The following DCDC2 variants were observed in gnomAD, a reference collection of about 807,000 sequenced individuals.
DCDC2 encodes the protein doublecortin domain containing 2, also known as doublecortin domain-containing protein 2.
A neutral mutation model predicts 50.2 loss-of-function variants in DCDC2; 40 were observed. The observed-to-expected ratio is 0.80, with a 90% CI of 0.62 to 1.04. The LOEUF is 1.04. DCDC2 is among the 50% of genes least tolerant of loss of function. The pLI, the probability that DCDC2 is intolerant of heterozygous loss-of-function variation, is 0.00. For synonymous variants in DCDC2, 234 were observed against 210.6 expected (o/e 1.11, Z -0.96); for missense variants, 570 against 581.9 (o/e 0.98, Z 0.21).
chr6:24,249,419 T>C (rs1235224846), intron 7 of DCDC2, among the ~76,000 whole-genome samples: 4 of 152,206 alleles, frequency 2.6e-5, no homozygotes. Flanking sequence ...TTCAATACAC[T>C]TTCTCTTCTA....
intron 7 of DCDC2, among the ~76,000 whole-genome samples, chr6:24,209,232 C>T (rs1761802121): frequency 6.6e-6 from 1 of 152,170 alleles, no homozygotes; most frequent in African/African-American, 2.4e-5. Flanking sequence ...AAAGTATTAC[C>T]CTTTTTATCA....
intron 8 of DCDC2, among the ~76,000 whole-genome samples, chr6:24,189,236 T>C (rs532328436): frequency 1.3e-4 from 20 of 152,286 alleles, no homozygotes; most frequent in African/African-American, 4.8e-4. Context: ...TCTGGCTACA[T>C]CCTAGCAGGG....
chr6:24,302,213 T>C (rs1172889161), intron 2 of DCDC2, among the ~76,000 whole-genome samples, 169 bp from the exon 3 acceptor site: 3 of 150,134 alleles, frequency 2.0e-5, no homozygotes, highest in South Asian at 4.2e-4. Context: ...CCTTTAGCAA[T>C]ATTATAAGCC....
chr6:24,236,791 C>A (rs1331884104), intron 7 of DCDC2, among the ~76,000 whole-genome samples: 1 of 152,078 alleles, frequency 6.6e-6, no homozygotes, highest in Non-Finnish European at 1.5e-5. Flanking sequence ...GGGTGGATCA[C>A]CTGAGGTCAG....
At chr6:24,364,717 A>C in the DCDC2 span, among the ~76,000 whole-genome samples, 1 of 152,094 alleles carries the variant, frequency 6.6e-6, no homozygotes, top group African/African-American at 2.4e-5. Flanking sequence ...CTGTAGAAGG[A>C]AACATATTTT....
chr6:24,328,718 A>G (rs1334736631), intron 2 of DCDC2, among the ~76,000 whole-genome samples: 2 of 152,120 alleles, frequency 1.3e-5, no homozygotes. Context: ...CCTTTCCTTG[A>G]TTCCCTTATC....
chr6:24,261,610 G>A (rs1448188305), intron 7 of DCDC2, among the ~76,000 whole-genome samples: 1 of 152,122 alleles, frequency 6.6e-6, no homozygotes, highest in Non-Finnish European at 1.5e-5. Flanking sequence ...GTCCCAGCAG[G>A]ACTGAGTGCA....
In DCDC2 at chr6:24,357,504, C is replaced by G. The variant is rs764953532; in HGVS notation, c.247G>C (p.Gly83Arg). 11 of 1,611,854 alleles carry G rather than the reference C, an allele frequency of 6.8e-6. No homozygotes were observed. The South Asian group carries it at 1.2e-4, about 18-fold the overall frequency. ...RIRKLDQIQS[G>R]GNYVAGGQEA... ...TGGCCTCCAGCCACGTAATTGCCCC[C>G]GCTCTGGATCTGGTCTAGCTTCCGG... The change falls in exon 1 of 10, where the codon GGG (glycine) becomes CGG (arginine). Residue 83 changes from glycine to arginine, a missense_variant. Coordinates refer to ENST00000378454, the MANE Select transcript of DCDC2 (RefSeq NM_016356.5).
At chr6:24,180,391 T>A (rs1761044619) in intron 8 of DCDC2, among the ~76,000 whole-genome samples, 1 of 152,018 alleles carries the variant, frequency 6.6e-6, no homozygotes, top group South Asian at 2.1e-4. Flanking sequence ...TTCATGCCAT[T>A]CTCCTGCCTC....
chr6:24,256,502 G>C (rs946659820), intron 7 of DCDC2, among the ~76,000 whole-genome samples: 5 of 152,126 alleles, frequency 3.3e-5, no homozygotes, highest in African/African-American at 9.6e-5. Flanking sequence ...TGTTGCGTGT[G>C]TGTGTGTCCG....
At chr6:24,266,884 G>A (rs1331212230) in intron 7 of DCDC2, among the ~76,000 whole-genome samples, 2 of 152,150 alleles carry the variant, frequency 1.3e-5, no homozygotes, top group Admixed American at 6.5e-5. Context: ...ATTCACAGTA[G>A]ACATGATTTG....
chr6:24,218,638 T>TA (rs1382122424), intron 7 of DCDC2, among the ~76,000 whole-genome samples: 1 of 152,046 alleles, frequency 6.6e-6, no homozygotes, highest in Non-Finnish European at 1.5e-5. Flanking sequence ...CGGGCATGCA[T>TA]CATCACACCT....
intron 7 of DCDC2, among the ~76,000 whole-genome samples, chr6:24,210,700 C>T (rs1561891884): frequency 6.6e-6 from 1 of 152,216 alleles, no homozygotes; most frequent in South Asian, 2.1e-4. Context: ...ATCCTCCATA[C>T]AATAGCCAAG....
chr6:24,379,898 G>T, the DCDC2 span, among the ~76,000 whole-genome samples: 1 of 152,078 alleles, frequency 6.6e-6, no homozygotes, highest in Admixed American at 6.6e-5. Context: ...CAGAGACATG[G>T]ATAAAGCTGG....
At chr6:24,381,867 AAAG>A in the DCDC2 span, among the ~76,000 whole-genome samples, 1 of 80,358 alleles carries the variant, frequency 1.2e-5, no homozygotes, top group African/African-American at 3.9e-5. Context: ...AGGAGAAATA[AAAG>A]AAAGAAAGAG....
intron 7 of DCDC2, among the ~76,000 whole-genome samples, chr6:24,208,140 C>G (rs953889913): frequency 1.3e-5 from 2 of 152,112 alleles, no homozygotes; most frequent in African/African-American, 4.8e-5. Flanking sequence ...CAGTTAGGAC[C>G]AAAGAACCTG....
rs1250653704 is a variant in DCDC2 at position 24,173,985 on chromosome 6, T to C, written c.*745A>G. On this transcript the variant is annotated 3_prime_UTR_variant, in exon 10 of 10. Transcript: ENST00000378454. Reference sequence around the variant, plus strand: ...TCAGTGAAAATCCACAGGATTTCCATTATCTGCAAACCATACATCCAGGCT... The same window carrying C: ...TCAGTGAAAATCCACAGGATTTCCACTATCTGCAAACCATACATCCAGGCT... 1 of 152,228 alleles carries C rather than the reference T, an allele frequency of 6.6e-6. No individual in the cohort carries two copies. The highest frequency in any genetic ancestry group is 1.5e-5 in the Non-Finnish European group (1 of 68,038). The allele number at this position is 152,228 out of a possible 1,614,324, so 9.4% of individuals were successfully genotyped here. A position where few individuals can be genotyped will look rare whatever the true frequency, so the allele number is the denominator to read the frequency against.
intron 8 of DCDC2, among the ~76,000 whole-genome samples, chr6:24,179,030 C>T (rs552579209): frequency 6.6e-6 from 1 of 151,684 alleles, no homozygotes; most frequent in South Asian, 2.1e-4. Context: ...GCACCTGGCC[C>T]AGAGGAAGAG....
Position 24,290,982 on chromosome 6 carries a change from C to T in DCDC2, c.654G>A (p.Leu218=). ...VAVGRDKFKK[L]PYSELLFDKS... Reference sequence around the variant, plus strand: ...TGTCAAAAAGTAACTCACTGTAAGGCAGTTTCTTAAACTTATCTCTGCCAA... The same window carrying T: ...TGTCAAAAAGTAACTCACTGTAAGGTAGTTTCTTAAACTTATCTCTGCCAA... The change falls in exon 5 of 10, where the codon CTG becomes CTA. Residue 218 remains leucine (L), a synonymous_variant. Transcript: ENST00000378454. 5.6e-6 allele frequency: 9 copies of T among 1,614,022 alleles called. No homozygotes were observed. The highest frequency in any genetic ancestry group is 7.6e-6 in the Non-Finnish European group (9 of 1,179,954).
Sources: gnomAD v4.1 joint callset for allele counts (sites outside exome capture counted in the v4.1 genomes callset) on GRCh38, gnomAD v4.1.1 for gene constraint, MANE v1.5 for transcripts, NCBI Gene and HGNC (gene_info 2026-07-23, HGNC 2026-07-21) for gene names.